SMOC2: variants seen among roughly 807,000 people sequenced by gnomAD.
The protein encoded by SMOC2 is SPARC related modular calcium binding 2.
SMOC2 carries 39 observed loss-of-function variants against 61.4 expected under a neutral mutation model. The observed-to-expected ratio is 0.64, with a 90% CI of 0.49 to 0.83. SMOC2 has a LOEUF of 0.83. Ranked by LOEUF, SMOC2 falls within the 40% of genes least tolerant of loss-of-function variation. The pLI is 0.00. For missense variants in SMOC2, 556 were observed against 592.9 expected, an observed-to-expected ratio of 0.94 and a Z score of 0.65; for synonymous variants, 247 against 239.9, an observed-to-expected ratio of 1.03 and a Z score of -0.27.
Position 168,518,399 on chromosome 6 carries a change from A to G in SMOC2, c.257-7947A>G, listed in dbSNP as rs544233689. On this transcript the variant is annotated intron_variant, in intron 2 of 12. Coordinates refer to ENST00000356284, the MANE Select transcript of SMOC2 (RefSeq NM_001166412.2). Reference sequence around the variant, plus strand: ...GCATTGTGTGCATGTGTGATTGTGTATGCTTGTGTGTGAATGTGTGCATGA... The same window carrying G: ...GCATTGTGTGCATGTGTGATTGTGTGTGCTTGTGTGTGAATGTGTGCATGA... 2.9e-5 allele frequency among the ~76,000 whole-genome samples: 4 copies of G among 136,216 alleles called. No individual in the cohort carries two copies. The East Asian group carries it at 7.9e-4, about 27-fold the overall frequency. The allele number at this position is 136,216 out of a possible 152,430, so 89.4% of individuals were successfully genotyped here. A position where few individuals can be genotyped will look rare whatever the true frequency, so the allele number is the denominator to read the frequency against.
At chr6:168,502,606 C>A (rs1400559815) in intron 1 of SMOC2, among the ~76,000 whole-genome samples, 1 of 152,186 alleles carries the variant, frequency 6.6e-6, no homozygotes, top group Non-Finnish European at 1.5e-5. Context: ...CCGATGGGAC[C>A]TACATTATCA....
intron 9 of SMOC2, among the ~76,000 whole-genome samples, chr6:168,641,691 A>G (rs1285244202): frequency 2.0e-5 from 3 of 152,230 alleles, no homozygotes; most frequent in Non-Finnish European, 4.4e-5. Context: ...GGCAGCACTC[A>G]GTTTAATGGA....
rs535781909 is a variant in SMOC2 at position 168,574,277 on chromosome 6, G to A, written c.638-24541G>A. 9.9e-5 allele frequency among the ~76,000 whole-genome samples: 15 copies of A among 152,278 alleles called. No homozygotes were observed. In the South Asian group the frequency reaches 3.1e-3, roughly 32 times the overall value. ...CATGGGCAGGGCGGGTAGGTCGAAG[G>A]CTGCTCCAGGACCCTGCAGGCCGGG... On this transcript the variant is annotated intron_variant, in intron 7 of 12. Coordinates refer to ENST00000356284, the MANE Select transcript of SMOC2 (RefSeq NM_001166412.2).
At chr6:168,582,121 G>A (rs1305032108) in intron 7 of SMOC2, among the ~76,000 whole-genome samples, 2 of 152,248 alleles carry the variant, frequency 1.3e-5, no homozygotes, top group Admixed American at 6.5e-5. Flanking sequence ...TCCAGGCACA[G>A]AGCGGGAGCT....
intron 10 of SMOC2, among the ~76,000 whole-genome samples, 184 bp from the exon 11 acceptor site, chr6:168,652,770 T>C (rs1583189041): frequency 1.3e-5 from 2 of 152,198 alleles, no homozygotes; most frequent in Admixed American, 6.5e-5. Context: ...CTGAAAAATC[T>C]TTGCTAAAAA....
chr6:168,611,412 A>G (rs1160808983), intron 9 of SMOC2, among the ~76,000 whole-genome samples: 1 of 90,756 alleles, frequency 1.1e-5, no homozygotes, highest in Admixed American at 1.1e-4. Flanking sequence ...CATGTCCGGG[A>G]CCCACCGTGG....
intron 7 of SMOC2, among the ~76,000 whole-genome samples, chr6:168,573,995 T>A (rs1035787408): frequency 3.9e-5 from 6 of 152,200 alleles, no homozygotes; most frequent in Non-Finnish European, 7.4e-5. Context: ...GGGGGAGGGA[T>A]GGGTGGACCC....
intron 9 of SMOC2, among the ~76,000 whole-genome samples, chr6:168,614,524 C>T (rs1229324250): frequency 1.4e-4 from 5 of 35,758 alleles, no homozygotes; most frequent in Non-Finnish European, 2.2e-4. Flanking sequence ...AGGGCCTCTT[C>T]ACACCTACAG....
In SMOC2 at chr6:168,475,363, T is replaced by A. The variant is rs891792247; in HGVS notation, c.84+33909T>A. On this transcript the variant is annotated intron_variant, in intron 1 of 12. Coordinates refer to ENST00000356284, the MANE Select transcript of SMOC2 (RefSeq NM_001166412.2). The surrounding 1 kb of genome is among the most constrained non-coding windows in gnomAD (Gnocchi z 4.6). ...TCACTCTCATTTATTCCTGAAGCAT[T>A]TGGAGAGCAGGTGCCAATGTCCCAG... is the stretch of plus-strand genomic sequence containing the variant. 2.0e-5 allele frequency among the ~76,000 whole-genome samples: 3 copies of A among 152,104 alleles called. No homozygotes were observed. The East Asian group carries it at 5.8e-4, about 29-fold the overall frequency.
intron 9 of SMOC2, among the ~76,000 whole-genome samples, chr6:168,626,531 G>A (rs1341872903): frequency 2.0e-5 from 3 of 152,196 alleles, no homozygotes; most frequent in African/African-American, 7.2e-5. Context: ...CTGAGGCACT[G>A]GGGTTCCGCC....
Position 168,441,432 on chromosome 6 carries a change from C to T in SMOC2, c.62C>T (p.Ala21Val), listed in dbSNP as rs1238385224. The change falls in exon 1 of 13, where the codon GCT becomes GTT. Residue 21 changes from alanine to valine, a missense_variant. Coordinates refer to ENST00000356284, the MANE Select transcript of SMOC2 (RefSeq NM_001166412.2). The stretch of plus-strand genomic sequence containing the variant: ...GCTGGGCTGCTCCCGCCGGTGCCCG[C>T]TCAGAAGTTCTCGGCGCTCACGGTA... ...LLAGLLPPVPAQKFSALTFLR... is the reference protein window; with the variant it reads ...LLAGLLPPVPVQKFSALTFLR... 6.6e-7 allele frequency: 1 copy of T among 1,510,322 alleles called. No individual in the cohort carries two copies. The highest frequency in any genetic ancestry group is 8.8e-7 in the Non-Finnish European group (1 of 1,133,068). The allele number at this position is 1,510,322 out of a possible 1,614,324, so 93.6% of individuals were successfully genotyped here. A position where few individuals can be genotyped will look rare whatever the true frequency, so the allele number is the denominator to read the frequency against.
At chr6:168,622,848 G>A (rs1454484127) in intron 9 of SMOC2, among the ~76,000 whole-genome samples, 8 of 152,164 alleles carry the variant, frequency 5.3e-5, no homozygotes, top group East Asian at 1.9e-4. Flanking sequence ...GGTACAGGAC[G>A]TGCAAGGCCA....
Position 168,598,988 on chromosome 6 carries a change from C to G in SMOC2, c.808C>G (p.Pro270Ala), listed in dbSNP as rs1364766689. 1 of 1,606,078 alleles carries G rather than the reference C, an allele frequency of 6.2e-7. No individual in the cohort carries two copies. The highest frequency in any genetic ancestry group is 8.5e-7 in the Non-Finnish European group (1 of 1,176,032). Reference protein sequence around the residue: ...CVLVDTGRPIPGTSTRYEQPK... With the variant: ...CVLVDTGRPIAGTSTRYEQPK... ...CCTGGTGGACACGGGGCGCCCCATT[C>G]CCGGCACATCCACAAGGTAAATAGG... is the stretch of plus-strand genomic sequence containing the variant. The change falls in exon 8 of 13, where the codon CCC (proline) becomes GCC (alanine). Residue 270 changes from proline (P) to alanine (A), a missense_variant. Transcript: ENST00000356284.
At chr6:168,500,338 G>T (rs9456146) in intron 1 of SMOC2, among the ~76,000 whole-genome samples, 2 of 151,402 alleles carry the variant, frequency 1.3e-5, no homozygotes, top group East Asian at 3.9e-4. Context: ...GATGACATCC[G>T]AAGAGGGTTG....
chr6:168,554,158 C>G (rs181447338), intron 7 of SMOC2, among the ~76,000 whole-genome samples: 1 of 152,354 alleles, frequency 6.6e-6, no homozygotes, highest in Non-Finnish European at 1.5e-5. Context: ...GCCCCTTCCC[C>G]ACCAGGTATC....
At chr6:168,665,397 G>A (rs773743862) in intron 12 of SMOC2, among the ~76,000 whole-genome samples, 38 of 152,226 alleles carry the variant, frequency 2.5e-4, no homozygotes, top group Non-Finnish European at 5.3e-4. Context: ...GGCTCCTACC[G>A]GCCGTGGCCA....
chr6:168,523,565 T>A (rs1281974114), intron 2 of SMOC2, among the ~76,000 whole-genome samples: 5 of 135,256 alleles, frequency 3.7e-5, no homozygotes, highest in Non-Finnish European at 6.5e-5. Context: ...TTTTTTTTTT[T>A]ATTATTTTTA....
chr6:168,526,270 A>C (rs1391883808), intron 2 of SMOC2, 76 bp from the exon 3 acceptor site: 5 of 1,365,970 alleles, frequency 3.7e-6, no homozygotes, highest in African/African-American at 1.4e-5. Context: ...ATGCCTTCAC[A>C]TCTTTCAATG....
Position 168,538,267 on chromosome 6 carries a change from T to C in SMOC2, c.464-5358T>C, listed in dbSNP as rs577237917. Among the ~76,000 whole-genome samples, 30 of 79,524 alleles carry C rather than the reference T, an allele frequency of 3.8e-4. 2 individuals carry two copies. In the South Asian group the frequency reaches 0.013, roughly 35 times the overall value. 52.2% of individuals were successfully genotyped at this position (79,524 alleles called of 152,430 possible). On this transcript the variant is annotated intron_variant, in intron 4 of 12. Coordinates refer to ENST00000356284, the MANE Select transcript of SMOC2 (RefSeq NM_001166412.2). ...TGGCCCCTGCTGGAATCTGGGGCAG[T>C]GGGGTGACCCCTGCTGGAATGTGGG...
Sources: gnomAD v4.1 joint callset for allele counts (sites outside exome capture counted in the v4.1 genomes callset) on GRCh38, gnomAD v4.1.1 for gene constraint, Gnocchi (gnomAD v3.1) non-coding constraint, MANE v1.5 for transcripts, NCBI Gene and HGNC (gene_info 2026-07-23, HGNC 2026-07-21) for gene names.